The following WIPF1 variants were observed in gnomAD, a reference collection of about 807,000 sequenced individuals.
WIPF1 encodes WAS/WASL interacting protein family member 1, also known as WAS/WASL-interacting protein family member 1.
In WIPF1, 13 loss-of-function variants were observed where a neutral mutation model predicts 35.4. That is an observed-to-expected ratio of 0.37 (90% CI 0.24 to 0.58). The LOEUF (loss-of-function observed/expected upper bound fraction) is 0.58, where lower values mean the gene tolerates loss of function less well. Ranked by LOEUF, WIPF1 falls within the 20% of genes least tolerant of loss-of-function variation. The pLI, the probability that WIPF1 is intolerant of heterozygous loss-of-function variation, is 0.74. For synonymous variants in WIPF1, 267 were observed against 266.3 expected, an observed-to-expected ratio of 1.00 and a Z score of -0.02; for missense variants, 591 against 667.0, an observed-to-expected ratio of 0.89 and a Z score of 1.25.
intron 1 of WIPF1, among the ~76,000 whole-genome samples, chr2:174,656,545 T>G (rs1687643858): frequency 6.6e-6 from 1 of 152,216 alleles, no homozygotes; most frequent in Non-Finnish European, 1.5e-5. Flanking sequence ...TCTTTGGTTT[T>G]AAGATATTCT....
At chr2:174,589,394 C>T (rs946956330) in intron 1 of WIPF1, among the ~76,000 whole-genome samples, 2 of 152,216 alleles carry the variant, frequency 1.3e-5, no homozygotes, top group Non-Finnish European at 2.9e-5. Context: ...GCTAGTGTTG[C>T]AGACTGGAAC....
intron 1 of WIPF1, among the ~76,000 whole-genome samples, chr2:174,624,602 A>C (rs1418134545): frequency 6.6e-6 from 1 of 152,158 alleles, no homozygotes; most frequent in East Asian, 1.9e-4. Flanking sequence ...GATATTCAAA[A>C]TATTTAACAA....
intron 1 of WIPF1, chr2:174,673,773 T>C (rs952543539): frequency 6.6e-6 from 1 of 151,378 alleles, no homozygotes; most frequent in Non-Finnish European, 1.5e-5. Context: ...ACATTCTTTT[T>C]AAAACAGGAC....
chr2:174,618,823 T>C (rs1157915505), intron 1 of WIPF1, among the ~76,000 whole-genome samples: 2 of 152,210 alleles, frequency 1.3e-5, no homozygotes, highest in Non-Finnish European at 2.9e-5. Flanking sequence ...GTCTCCTTTA[T>C]TGCCCATCTT....
chr2:174,568,082 A>G lies in WIPF1; in HGVS notation c.1130-9T>C, dbSNP rs1356010472. 2 of 1,608,586 alleles carry G rather than the reference A, an allele frequency of 1.2e-6. No homozygotes were observed. The highest frequency in any genetic ancestry group is 3.4e-5 in the Admixed American group (2 of 59,640). ...AGGTGGTGGGAGGGGGCCTGGAGCA[A>G]AAAAAGACACTTAGTGCAGAACCTT... On this transcript the variant is annotated splice_polypyrimidine_tract_variant and intron_variant, in intron 5 of 7. Transcript: ENST00000679041.
chr2:174,572,662 A>G (rs1194290595), intron 4 of WIPF1, among the ~76,000 whole-genome samples: 1 of 152,210 alleles, frequency 6.6e-6, no homozygotes, highest in Non-Finnish European at 1.5e-5. Flanking sequence ...TCTACAGCCT[A>G]TGAGCTTTCA....
At chr2:174,587,651 C>G (rs1685467366) in intron 1 of WIPF1, 1 of 152,234 alleles carries the variant, frequency 6.6e-6, no homozygotes, top group East Asian at 1.9e-4. Flanking sequence ...ATCCAGGGCT[C>G]TATCCTTGCG....
intron 1 of WIPF1, among the ~76,000 whole-genome samples, chr2:174,663,556 A>G (rs1032560852): frequency 6.7e-6 from 1 of 149,622 alleles, no homozygotes; most frequent in Non-Finnish European, 1.5e-5. Context: ...CTCAGGAGAG[A>G]AGCAGTTCAC....
At chr2:174,580,907 T>A (rs1042948991) in intron 3 of WIPF1, among the ~76,000 whole-genome samples, 2 of 152,182 alleles carry the variant, frequency 1.3e-5, no homozygotes, top group Non-Finnish European at 2.9e-5. Context: ...CATTTTAAAA[T>A]GAAGAAAACA....
chr2:174,668,881 T>C (rs187239635), intron 1 of WIPF1, among the ~76,000 whole-genome samples: 2 of 152,344 alleles, frequency 1.3e-5, no homozygotes, highest in East Asian at 3.9e-4. Context: ...GAGGGCCTCA[T>C]AGTTCAGACT....
intron 1 of WIPF1, among the ~76,000 whole-genome samples, chr2:174,657,470 C>A (rs1032011349): frequency 6.6e-6 from 1 of 152,200 alleles, no homozygotes; most frequent in Non-Finnish European, 1.5e-5. Context: ...AATCAGCTCC[C>A]AGGGTTTTCA....
intron 7 of WIPF1, among the ~76,000 whole-genome samples, chr2:174,564,049 T>A (rs1013150331): frequency 3.9e-5 from 6 of 152,110 alleles, no homozygotes; most frequent in Non-Finnish European, 7.4e-5. Context: ...AAGTGGTTAG[T>A]AGAATGAGGG....
chr2:174,678,004 C>T (rs1182764256), intron 1 of WIPF1, among the ~76,000 whole-genome samples: 1 of 152,124 alleles, frequency 6.6e-6, no homozygotes, highest in Non-Finnish European at 1.5e-5. Flanking sequence ...CATAAATAAA[C>T]AGAACTTACC....
intron 1 of WIPF1, among the ~76,000 whole-genome samples, chr2:174,668,120 G>T (rs536553369): frequency 6.6e-6 from 1 of 152,098 alleles, no homozygotes; most frequent in Non-Finnish European, 1.5e-5. Context: ...GTTAACCTTG[G>T]TCCTGCCCAG....
chr2:174,644,502 G>A (rs1284895500), intron 1 of WIPF1, among the ~76,000 whole-genome samples: 1 of 149,278 alleles, frequency 6.7e-6, no homozygotes, highest in Non-Finnish European at 1.5e-5. Flanking sequence ...TGGGGTAGAG[G>A]CAGCAAGGAA....
chr2:174,629,386 G>A (rs919374496), intron 1 of WIPF1, among the ~76,000 whole-genome samples: 2 of 152,136 alleles, frequency 1.3e-5, no homozygotes, highest in Admixed American at 1.3e-4. Context: ...TTGCAGGGAA[G>A]GCTATTAAAT....
intron 1 of WIPF1, among the ~76,000 whole-genome samples, chr2:174,680,181 G>A (rs752703484): frequency 4.6e-5 from 7 of 152,174 alleles, no homozygotes; most frequent in Non-Finnish European, 7.4e-5. Context: ...GCATTCAGGC[G>A]CAGACTTCAT....
In WIPF1 at chr2:174,585,535, C is replaced by T. The variant is rs143623121; in HGVS notation, c.39G>A (p.Pro13=). ...AGGAGACACTCACCAGTGCAAACGT[C>T]GGGGGCGGCGGGGGTGCTGGAGGGG... ...VPPPPAPPPP[P]TFALANTEKP... The change falls in exon 2 of 8, where the codon CCG becomes CCA. Residue 13 remains proline (P), a synonymous_variant. Transcript: ENST00000679041. 22 of 394,276 alleles carry T rather than the reference C, an allele frequency of 5.6e-5. No individual in the cohort carries two copies. Among genetic ancestry groups the T allele is most frequent in the Admixed American group, 1.8e-4 (4 of 21,638 alleles). The allele number at this position is 394,276 out of a possible 1,614,324, so 24.4% of individuals were successfully genotyped here.
chr2:174,638,240 TA>T (rs1687226431), intron 1 of WIPF1, among the ~76,000 whole-genome samples: 1 of 152,160 alleles, frequency 6.6e-6, no homozygotes, highest in Non-Finnish European at 1.5e-5. Flanking sequence ...TGATATAAAG[TA>T]AAAAGGGGAG....
Sources: allele counts gnomAD v4.1 joint callset (sites outside exome capture counted in the v4.1 genomes callset), GRCh38; gene constraint gnomAD v4.1.1; transcripts MANE v1.5; gene names NCBI Gene and HGNC (gene_info 2026-07-23, HGNC 2026-07-21).